EFCAB11: variants seen among roughly 807,000 people sequenced by gnomAD.
EFCAB11 encodes EF-hand calcium binding domain 11, also known as EF-hand calcium-binding domain-containing protein 11.
Under a neutral mutation model 23.0 loss-of-function variants are expected in EFCAB11, and 14 were observed. The ratio of observed to expected loss-of-function variants is 0.61; its 90% CI spans 0.40 to 0.95. The LOEUF (loss-of-function observed/expected upper bound fraction) is 0.95. Among genes scored for constraint, EFCAB11 ranks in the 40% least tolerant of loss-of-function variants. The pLI is 0.00. For synonymous variants in EFCAB11, 65 were observed against 66.6 expected (o/e 0.98, Z 0.11); for missense variants, 198 against 195.8 (o/e 1.01, Z -0.07).
chr14:89,799,659 C>T (rs1484923909), intron 5 of EFCAB11, among the ~76,000 whole-genome samples: 1 of 151,104 alleles, frequency 6.6e-6, no homozygotes. Flanking sequence ...TTCAGCACCT[C>T]CCACCCCCCA....
intron 5 of EFCAB11, chr14:89,830,598 G>T (rs1180807637): frequency 7.2e-5 from 11 of 152,252 alleles, no homozygotes; most frequent in African/African-American, 2.6e-4. Context: ...TATAAAACGA[G>T]CCTTTCCTTC....
At chr14:89,841,540 C>T (rs1887269829) in intron 5 of EFCAB11, among the ~76,000 whole-genome samples, 1 of 151,992 alleles carries the variant, frequency 6.6e-6, no homozygotes, top group Non-Finnish European at 1.5e-5. Context: ...CAGTCAATGA[C>T]TCAACAACTA....
chr14:89,910,416 G>A (rs1478159085), intron 5 of EFCAB11, among the ~76,000 whole-genome samples: 7 of 152,086 alleles, frequency 4.6e-5, no homozygotes, highest in Admixed American at 4.6e-4. Flanking sequence ...TGGCCAACAT[G>A]GTGAAACCCT....
intron 5 of EFCAB11, among the ~76,000 whole-genome samples, chr14:89,818,484 G>A (rs1231049759): frequency 6.6e-6 from 1 of 151,950 alleles, no homozygotes; most frequent in Admixed American, 6.6e-5. Context: ...AGGGAGGGAA[G>A]AAGGAAAGAA....
intron 5 of EFCAB11, among the ~76,000 whole-genome samples, chr14:89,910,598 A>AATACATACATAC (rs34931708): frequency 6.1e-4 from 90 of 147,640 alleles, no homozygotes; most frequent in East Asian, 1.8e-3. Context: ...ATCTGTCTCA[A>AATACATACATAC]ATACATACAT....
intron 5 of EFCAB11, among the ~76,000 whole-genome samples, chr14:89,822,515 G>C (rs1047292754): frequency 6.6e-6 from 1 of 152,186 alleles, no homozygotes; most frequent in Non-Finnish European, 1.5e-5. Context: ...CACTCCACTG[G>C]TTGGGAGAGG....
chr14:89,850,433 C>T lies in EFCAB11; in HGVS notation c.411-53109G>A, dbSNP rs1887569742. Among the ~76,000 whole-genome samples, 2 of 152,144 alleles carry T rather than the reference C, an allele frequency of 1.3e-5. 1 individual carries two copies. The highest frequency in any genetic ancestry group is 4.1e-4 in the South Asian group (2 of 4,836). ...TGTTAGATGCTAATTTTAGGCCCTA[C>T]CACAATATCTACCAAATCAGAAACT... On this transcript the variant is annotated intron_variant, in intron 5 of 5. Transcript: ENST00000316738.
intron 5 of EFCAB11, among the ~76,000 whole-genome samples, chr14:89,917,865 G>C (rs1399908984): frequency 6.6e-6 from 1 of 152,220 alleles, no homozygotes; most frequent in Non-Finnish European, 1.5e-5. Context: ...GAGAGTCACT[G>C]TAAGGACTAA....
intron 5 of EFCAB11, among the ~76,000 whole-genome samples, chr14:89,823,394 C>T (rs1886590548): frequency 6.6e-6 from 1 of 152,178 alleles, no homozygotes; most frequent in Admixed American, 6.5e-5. Context: ...CCAACCAACA[C>T]CTTGATTTTG....
chr14:89,857,757 G>A (rs1219678294), intron 5 of EFCAB11, among the ~76,000 whole-genome samples: 1 of 152,162 alleles, frequency 6.6e-6, no homozygotes, highest in Non-Finnish European at 1.5e-5. Flanking sequence ...GAAACAATAA[G>A]TTCTGAATTA....
chr14:89,886,236 G>A (rs968710782), intron 5 of EFCAB11, among the ~76,000 whole-genome samples: 4 of 151,886 alleles, frequency 2.6e-5, no homozygotes, highest in Non-Finnish European at 4.4e-5. Context: ...TGATCTGCTC[G>A]GTCAGGCGTG....
rs556514554 is a variant in EFCAB11 at position 89,877,232 on chromosome 14, G to T, written c.410+54309C>A. Among the ~76,000 whole-genome samples the T allele has an allele frequency of 2.0e-5, 3 of 152,152 alleles. No homozygotes were observed. In the South Asian group the frequency reaches 6.2e-4, roughly 32 times the overall value. ...TTTTGGTATTTTTAGTAGAGACGGG[G>T]TTTCATCATGTTGGTCAGGCTGGTC... On this transcript the variant is annotated intron_variant, in intron 5 of 5. Transcript: ENST00000316738.
At chr14:89,848,332 G>A (rs1054377968) in intron 5 of EFCAB11, 1 of 152,048 alleles carries the variant, frequency 6.6e-6, no homozygotes, top group African/African-American at 2.4e-5. Flanking sequence ...CAAAACCCAG[G>A]ACATTTATTT....
Position 89,901,550 on chromosome 14 carries a change from A to G in EFCAB11, c.410+29991T>C, listed in dbSNP as rs78741052. Among the ~76,000 whole-genome samples the G allele has an allele frequency of 3.4e-3, 525 of 152,328 alleles. 15 individuals carry two copies. The East Asian group carries it at 0.085, about 25-fold the overall frequency. On this transcript the variant is annotated intron_variant, in intron 5 of 5. Transcript: ENST00000316738. ...CTGAATTTAACTGACAATGGGAAAG[A>G]AACATGAAAAGAAGCTGGGGACCCC...
intron 3 of EFCAB11, among the ~76,000 whole-genome samples, chr14:89,945,769 A>G (rs544674667): frequency 1.3e-5 from 2 of 152,258 alleles, no homozygotes; most frequent in South Asian, 2.1e-4. Flanking sequence ...CACGTCTCCT[A>G]TATCCTTATT....
At chr14:89,923,695 T>C (rs1890092105) in intron 5 of EFCAB11, 1 of 985,426 alleles carries the variant, frequency 1.0e-6, no homozygotes, top group Non-Finnish European at 1.2e-6. Flanking sequence ...TCATAGTCAC[T>C]AAATTAGGTA....
intron 5 of EFCAB11, among the ~76,000 whole-genome samples, chr14:89,816,359 C>T (rs1886337979): frequency 6.6e-6 from 1 of 152,052 alleles, no homozygotes; most frequent in Non-Finnish European, 1.5e-5. Flanking sequence ...AGGAACATGA[C>T]AAAGTACCAA....
intron 5 of EFCAB11, among the ~76,000 whole-genome samples, chr14:89,898,838 A>AT (rs35985144): frequency 1.1e-4 from 16 of 145,964 alleles, no homozygotes; most frequent in African/African-American, 1.8e-4. Context: ...TGCCCAGCTA[A>AT]TTTTTTTTCA....
At chr14:89,804,867 ACTGT>A (rs1278130464) in intron 5 of EFCAB11, among the ~76,000 whole-genome samples, 1 of 152,136 alleles carries the variant, frequency 6.6e-6, no homozygotes, top group Admixed American at 6.5e-5. Context: ...TCTTCTTTTT[ACTGT>A]CTAATATACA....
Sources: gnomAD v4.1 joint callset for allele counts (sites outside exome capture counted in the v4.1 genomes callset) on GRCh38, gnomAD v4.1.1 for gene constraint, MANE v1.5 for transcripts, NCBI Gene and HGNC (gene_info 2026-07-23, HGNC 2026-07-21) for gene names.